The following CTNND2 variants were observed in gnomAD, a reference collection of about 807,000 sequenced individuals.
CTNND2 encodes the protein catenin delta 2.
A neutral mutation model predicts 144.4 loss-of-function variants in CTNND2; 22 were observed. That is an observed-to-expected ratio of 0.15 (90% confidence interval 0.11 to 0.22). The LOEUF is 0.22. CTNND2 is among the 10% of genes least tolerant of loss of function. The probability of loss-of-function intolerance (pLI) is 1.00; values close to 1 mark genes in which losing one functional copy is unlikely to be tolerated. For missense variants in CTNND2, 1,353 were observed against 1,618.8 expected (o/e 0.84, Z 2.82); for synonymous variants, 751 against 695.6 (o/e 1.08, Z -1.25).
At chr5:11,721,639 T>C (rs1561731070) in intron 2 of CTNND2, among the ~76,000 whole-genome samples, 2 of 152,206 alleles carry the variant, frequency 1.3e-5, no homozygotes. Context: ...TGCTGATGGC[T>C]CACTGGAAAG....
intron 1 of CTNND2, among the ~76,000 whole-genome samples, chr5:11,741,663 AC>A (rs1206653911): frequency 2.6e-5 from 4 of 151,758 alleles, no homozygotes; most frequent in African/African-American, 9.7e-5. Flanking sequence ...GCACATGTAT[AC>A]TTACATAACA....
At chr5:11,605,946 G>A (rs1363119991) in intron 2 of CTNND2, among the ~76,000 whole-genome samples, 1 of 152,130 alleles carries the variant, frequency 6.6e-6, no homozygotes, top group African/African-American at 2.4e-5. Context: ...ACCTAAAATA[G>A]GGAGGCTAAC....
chr5:11,904,121 C>T lies in CTNND2; in HGVS notation c.-268G>A. 1 of 150,360 alleles carries T rather than the reference C, an allele frequency of 6.7e-6. No homozygotes were observed. 9.3% of individuals were successfully genotyped at this position (150,360 alleles called of 1,614,324 possible). On this transcript the variant is annotated 5_prime_UTR_variant, in exon 1 of 22. It adds an upstream start codon to the 5' untranslated region. Transcript: ENST00000304623. The surrounding 1 kb of genome is among the most constrained non-coding windows in gnomAD (Gnocchi z 4.2). ...CCCCTGCCCGGCTCCGCGGGCTCCACGGGCTCCTGCGGGCTCCTCGGGGCT... is the reference window on the plus strand; with the variant it reads ...CCCCTGCCCGGCTCCGCGGGCTCCATGGGCTCCTGCGGGCTCCTCGGGGCT...
intron 9 of CTNND2, among the ~76,000 whole-genome samples, chr5:11,318,581 C>G (rs968528719): frequency 7.2e-5 from 11 of 152,094 alleles, no homozygotes; most frequent in African/African-American, 2.7e-4. Flanking sequence ...AAAAGTCACC[C>G]TCTCCTCACC....
At chr5:11,713,885 T>C (rs1786182469) in intron 2 of CTNND2, among the ~76,000 whole-genome samples, 1 of 152,130 alleles carries the variant, frequency 6.6e-6, no homozygotes. Flanking sequence ...GATCAAGGCT[T>C]CTGGACCTAC....
chr5:11,092,395 T>C (rs1165150279), intron 15 of CTNND2, among the ~76,000 whole-genome samples: 1 of 152,220 alleles, frequency 6.6e-6, no homozygotes, highest in Non-Finnish European at 1.5e-5. Context: ...AATGCAAAAC[T>C]ATTAAAAATG....
At chr5:11,577,440 C>T (rs951547067) in intron 2 of CTNND2, among the ~76,000 whole-genome samples, 1 of 152,150 alleles carries the variant, frequency 6.6e-6, no homozygotes, top group Admixed American at 6.6e-5. Flanking sequence ...AGATGACTTT[C>T]CCTTAGAAAA....
intron 18 of CTNND2, among the ~76,000 whole-genome samples, chr5:11,015,177 T>C (rs1248326550): frequency 2.6e-5 from 4 of 152,240 alleles, no homozygotes; most frequent in Non-Finnish European, 4.4e-5. Context: ...AAATTGTCAG[T>C]GAAGAACAAA....
At chr5:11,583,457 T>C (rs1778593721) in intron 2 of CTNND2, among the ~76,000 whole-genome samples, 1 of 152,034 alleles carries the variant, frequency 6.6e-6, no homozygotes, top group South Asian at 2.1e-4. Flanking sequence ...GGAGGGAGGG[T>C]CAGCTTCAGT....
intron 10 of CTNND2, among the ~76,000 whole-genome samples, chr5:11,222,039 T>A (rs955736384): frequency 6.6e-6 from 1 of 152,146 alleles, no homozygotes; most frequent in African/African-American, 2.4e-5. Flanking sequence ...CAAAGCACAG[T>A]GAGAAATCCC....
intron 1 of CTNND2, among the ~76,000 whole-genome samples, chr5:11,748,381 A>C (rs1339919927): frequency 2.0e-5 from 3 of 152,092 alleles, no homozygotes; most frequent in East Asian, 3.9e-4. Context: ...TGTAATTGTA[A>C]ATGTTACATA....
intron 1 of CTNND2, among the ~76,000 whole-genome samples, chr5:11,809,480 G>A (rs995110446): frequency 1.3e-5 from 2 of 152,176 alleles, no homozygotes; most frequent in East Asian, 3.9e-4. Context: ...TTTACTCACT[G>A]CCACAGGATA....
At chr5:11,884,820 T>C (rs542115125) in intron 1 of CTNND2, among the ~76,000 whole-genome samples, 14 of 152,346 alleles carry the variant, frequency 9.2e-5, no homozygotes, top group African/African-American at 3.1e-4. Flanking sequence ...CTTTATTGTT[T>C]TGAGGCACGT....
intron 3 of CTNND2, among the ~76,000 whole-genome samples, chr5:11,418,077 T>C (rs1178091901): frequency 2.6e-5 from 4 of 152,086 alleles, no homozygotes; most frequent in Non-Finnish European, 4.4e-5. Flanking sequence ...CTGATCTAGT[T>C]TGACGCACTA....
intron 9 of CTNND2, among the ~76,000 whole-genome samples, chr5:11,298,727 T>G (rs972040672): frequency 6.6e-6 from 1 of 152,204 alleles, no homozygotes; most frequent in Non-Finnish European, 1.5e-5. Flanking sequence ...GCACAGTCAG[T>G]ATAGAAATGT....
intron 2 of CTNND2, among the ~76,000 whole-genome samples, chr5:11,662,605 T>C (rs1783333439): frequency 6.6e-6 from 1 of 152,124 alleles, no homozygotes; most frequent in African/African-American, 2.4e-5. Context: ...ACTCAAATGT[T>C]AATCTCCTTC....
intron 2 of CTNND2, among the ~76,000 whole-genome samples, chr5:11,694,362 G>A (rs147530774): frequency 0.012 from 1,799 of 151,856 alleles, 37 homozygotes; most frequent in African/African-American, 0.042. Context: ...GTGAACCCGG[G>A]AGGCGGAGCT....
intron 1 of CTNND2, among the ~76,000 whole-genome samples, chr5:11,761,185 T>C (rs1203460018): frequency 6.6e-6 from 1 of 152,190 alleles, no homozygotes; most frequent in East Asian, 1.9e-4. Flanking sequence ...GGCACCCGCA[T>C]GAGGCAATGC....
At chr5:11,233,302 A>C in intron 10 of CTNND2, among the ~76,000 whole-genome samples, 1 of 152,162 alleles carries the variant, frequency 6.6e-6, no homozygotes, top group East Asian at 1.9e-4. Context: ...TTTGAAAAAA[A>C]ATTGATGTTC....
Sources: gnomAD v4.1 joint callset for allele counts (sites outside exome capture counted in the v4.1 genomes callset) on GRCh38, gnomAD v4.1.1 for gene constraint, Gnocchi (gnomAD v3.1) non-coding constraint, MANE v1.5 for transcripts, NCBI Gene and HGNC (gene_info 2026-07-23, HGNC 2026-07-21) for gene names.